SENP2: variants seen among roughly 807,000 people sequenced by gnomAD.
The protein encoded by SENP2 is sentrin-specific protease 2.
A neutral mutation model predicts 86.3 loss-of-function variants in SENP2; 16 were observed. The ratio of observed to expected loss-of-function variants is 0.19; its 90% confidence interval spans 0.13 to 0.28. The LOEUF (loss-of-function observed/expected upper bound fraction) is 0.28. Among genes scored for constraint, SENP2 ranks in the 10% least tolerant of loss-of-function variants. The pLI, the probability that SENP2 is intolerant of heterozygous loss-of-function variation, is 1.00. For synonymous variants in SENP2, 222 were observed against 238.7 expected (o/e 0.93, Z 0.64); for missense variants, 552 against 703.0 (o/e 0.79, Z 2.43).
At chr3:185,620,345 G>C (rs997963029) in intron 13 of SENP2, among the ~76,000 whole-genome samples, 1 of 152,136 alleles carries the variant, frequency 6.6e-6, no homozygotes, top group Non-Finnish European at 1.5e-5. Context: ...TCAGAATGAT[G>C]GGTGAGATGC....
At chr3:185,615,074 T>C (rs1006222544) in intron 11 of SENP2, among the ~76,000 whole-genome samples, 2 of 147,274 alleles carry the variant, frequency 1.4e-5, no homozygotes, top group African/African-American at 5.2e-5. Context: ...GTTCATTGCA[T>C]TTTTTTTTTG....
Position 185,586,466 on chromosome 3 carries a change from G to A in SENP2, c.53G>A (p.Arg18Gln), listed in dbSNP as rs747689079. The A allele has an allele frequency of 6.2e-7, 1 of 1,613,986 alleles. No individual in the cohort carries two copies. The highest frequency in any genetic ancestry group is 8.5e-7 in the Non-Finnish European group (1 of 1,180,014). The change falls in exon 1 of 17, where the codon CGG (arginine) becomes CAG (glutamine). Residue 18 changes from arginine (R) to glutamine (Q), a missense_variant. Physicochemically the swap from Arg to Gln is conservative, Grantham distance 43 (BLOSUM62 1). This residue lies in a region of SENP2 where 383 missense variants were observed against 427.3 expected (regional missense o/e 0.90). Coordinates refer to ENST00000296257, the MANE Select transcript of SENP2 (RefSeq NM_021627.3). This position sits in a 1 kb window ranked among gnomAD's most constrained non-coding sequence, Gnocchi z 4.3. ...GGCACCATTTTCCGTTTCTGCGACC[G>A]GTCGGTGCCCCCTGCCCGGGCCCTC... is the stretch of plus-strand genomic sequence containing the variant. ...ILGTIFRFCDRSVPPARALLK... is the reference protein window; with the variant it reads ...ILGTIFRFCDQSVPPARALLK...
At chr3:185,617,450 A>G (rs751883781) in intron 11 of SENP2, 30 bp from the exon 12 acceptor site, 3 of 1,578,670 alleles carry the variant, frequency 1.9e-6, no homozygotes, top group Non-Finnish European at 2.6e-6. Context: ...TTCTATATTA[A>G]AATAGCAACT....
intron 7 of SENP2, among the ~76,000 whole-genome samples, chr3:185,610,213 T>G (rs1008597121): frequency 2.8e-5 from 4 of 144,278 alleles, no homozygotes; most frequent in Admixed American, 2.3e-4. Context: ...CAGGCTGGAG[T>G]GCAGTGATGC....
rs961955298 is a variant in SENP2 at position 185,630,457 on chromosome 3, A to T, written c.*613A>T. The T allele has an allele frequency of 1.3e-5, 2 of 154,128 alleles. No individual in the cohort carries two copies. The highest frequency in any genetic ancestry group is 3.4e-3 in the Middle Eastern group (1 of 298). 9.5% of individuals were successfully genotyped at this position (154,128 alleles called of 1,614,324 possible). On this transcript the variant is annotated 3_prime_UTR_variant, in exon 17 of 17. Coordinates refer to ENST00000296257, the MANE Select transcript of SENP2 (RefSeq NM_021627.3). ...TGAGGCTCAAAAAATGCTGGGAGAA[A>T]TGAAAATGCTGTGGGATAGGGCTCC...
chr3:185,605,353 A>G (rs1282691628), intron 5 of SENP2, among the ~76,000 whole-genome samples: 2 of 151,926 alleles, frequency 1.3e-5, no homozygotes, highest in African/African-American at 4.8e-5. Context: ...CCTGGAGGAC[A>G]AGAGTGAAAC....
Position 185,631,844 on chromosome 3 carries a change from C to T in SENP2, c.*2000C>T, listed in dbSNP as rs1460211549. On this transcript the variant is annotated 3_prime_UTR_variant, in exon 17 of 17. Coordinates refer to ENST00000296257, the MANE Select transcript of SENP2 (RefSeq NM_021627.3). ...GGAATGTCAGTTTGTATTCCGCCCA[C>T]GTGAATGATGCTGAGCTTAATGTAT... 1 of 150,772 alleles carries T rather than the reference C, an allele frequency of 6.6e-6. No homozygotes were observed. Among genetic ancestry groups the T allele is most frequent in the Non-Finnish European group, 1.5e-5 (1 of 67,850 alleles). 9.3% of individuals were successfully genotyped at this position (150,772 alleles called of 1,614,324 possible).
intron 11 of SENP2, 54 bp from the exon 12 acceptor site, chr3:185,617,426 C>T: frequency 6.8e-7 from 1 of 1,481,046 alleles, no homozygotes; most frequent in Non-Finnish European, 9.1e-7. Flanking sequence ...TTTTCAATAA[C>T]TGATAATGAA....
intron 2 of SENP2, among the ~76,000 whole-genome samples, chr3:185,597,414 G>A (rs151152493): frequency 0.021 from 3,156 of 151,856 alleles, 117 homozygotes; most frequent in African/African-American, 0.073. Context: ...GTGGAGTGGC[G>A]TGATCTTGGC....
chr3:185,608,953 T>TC (rs1722600830), intron 6 of SENP2: 2 of 222,420 alleles, frequency 9.0e-6, no homozygotes, highest in Non-Finnish European at 1.8e-5. Flanking sequence ...CTAATTCTGT[T>TC]CAACCCAGTT....
intron 2 of SENP2, among the ~76,000 whole-genome samples, chr3:185,590,922 T>C (rs1207502741): frequency 1.1e-5 from 1 of 94,554 alleles, no homozygotes; most frequent in Non-Finnish European, 2.2e-5. Context: ...TTTTTTTTTT[T>C]TTGAGACAGA....
At chr3:185,596,461 A>C (rs565276641) in intron 2 of SENP2, among the ~76,000 whole-genome samples, 12 of 152,106 alleles carry the variant, frequency 7.9e-5, no homozygotes, top group African/African-American at 2.9e-4. Context: ...TCTACCAAAA[A>C]ATCAAAAAAA....
intron 13 of SENP2, among the ~76,000 whole-genome samples, chr3:185,619,928 C>T (rs1346288229): frequency 6.6e-6 from 1 of 151,712 alleles, no homozygotes; most frequent in Non-Finnish European, 1.5e-5. Flanking sequence ...AAGATGGAGT[C>T]TTGCTATGTT....
intron 7 of SENP2, among the ~76,000 whole-genome samples, chr3:185,609,944 A>G (rs1722631035): frequency 6.6e-6 from 1 of 152,118 alleles, no homozygotes; most frequent in African/African-American, 2.4e-5. Flanking sequence ...TGTTAATTAA[A>G]TAATGATTTA....
In SENP2 at chr3:185,633,070, A is replaced by G. The variant is rs1712563296; in HGVS notation, c.*3226A>G. 1 of 152,134 alleles carries G rather than the reference A, an allele frequency of 6.6e-6. No homozygotes were observed. The highest frequency in any genetic ancestry group is 6.6e-5 in the Admixed American group (1 of 15,264). The allele number at this position is 152,134 out of a possible 1,614,324, so 9.4% of individuals were successfully genotyped here. A position where few individuals can be genotyped will look rare whatever the true frequency, so the allele number is the denominator to read the frequency against. Reference sequence around the variant, plus strand: ...ACCTCAGTTACCGAAGGCTATTAGAACCTCTGAATTTTTCCTCCTCTGAAA... The same window carrying G: ...ACCTCAGTTACCGAAGGCTATTAGAGCCTCTGAATTTTTCCTCCTCTGAAA... On this transcript the variant is annotated 3_prime_UTR_variant, in exon 17 of 17. Coordinates refer to ENST00000296257, the MANE Select transcript of SENP2 (RefSeq NM_021627.3).
intron 5 of SENP2, among the ~76,000 whole-genome samples, chr3:185,601,333 C>T (rs1487256921): frequency 6.6e-6 from 1 of 152,092 alleles, no homozygotes; most frequent in Non-Finnish European, 1.5e-5. Context: ...GCATGAGCCA[C>T]CGCACCTGGC....
chr3:185,594,650 C>T (rs867060934), intron 2 of SENP2, among the ~76,000 whole-genome samples: 6 of 148,134 alleles, frequency 4.1e-5, no homozygotes, highest in Admixed American at 1.4e-4. Context: ...GACAGAGTCT[C>T]GCTGTGTCAC....
chr3:185,623,937 C>T, intron 14 of SENP2, 61 bp from the exon 15 acceptor site: 1 of 967,466 alleles, frequency 1.0e-6, no homozygotes, highest in Middle Eastern at 2.4e-4. Flanking sequence ...CCCTATGTAA[C>T]CATAATGGTT....
intron 13 of SENP2, 82 bp downstream of exon 13, chr3:185,619,584 G>T (rs1424738510): frequency 9.4e-7 from 1 of 1,061,932 alleles, no homozygotes; most frequent in African/African-American, 1.6e-5. Context: ...TTTCTGCCCT[G>T]TGTATAGAGG....
Sources: allele counts gnomAD v4.1 joint callset (sites outside exome capture counted in the v4.1 genomes callset), GRCh38; gene constraint gnomAD v4.1.1; regional missense constraint gnomAD v4.1.1; non-coding constraint Gnocchi (gnomAD v3.1); transcripts MANE v1.5; gene names NCBI Gene and HGNC (gene_info 2026-07-23, HGNC 2026-07-21).